The following UTRN variants were observed in gnomAD, a reference collection of about 807,000 sequenced individuals.
UTRN encodes utrophin.
UTRN carries 283 observed loss-of-function variants against 463.9 expected under a neutral mutation model. The ratio of observed to expected loss-of-function variants is 0.61; its 90% CI spans 0.55 to 0.67. UTRN has a LOEUF of 0.67. Ranked by LOEUF, UTRN falls within the 30% of genes least tolerant of loss-of-function variation. The pLI is 0.00. For missense variants in UTRN, 3,922 were observed against 4,084.3 expected, an observed-to-expected ratio of 0.96 and a Z score of 1.08; for synonymous variants, 1,442 against 1,431.5, an observed-to-expected ratio of 1.01 and a Z score of -0.17.
At chr6:144,725,245 C>A (rs1380317636) in intron 53 of UTRN, among the ~76,000 whole-genome samples, 1 of 152,214 alleles carries the variant, frequency 6.6e-6, no homozygotes, top group African/African-American at 2.4e-5. Flanking sequence ...CCATGTAAGA[C>A]GTCCCTTTGC....
chr6:144,845,608 G>C (rs1328947994), intron 73 of UTRN, among the ~76,000 whole-genome samples: 2 of 152,178 alleles, frequency 1.3e-5, no homozygotes, highest in African/African-American at 2.4e-5. Flanking sequence ...TTAGACTTCT[G>C]TCTAGGGTTT....
intron 51 of UTRN, among the ~76,000 whole-genome samples, chr6:144,676,212 A>ACTT (rs1554334453): frequency 6.6e-6 from 1 of 152,104 alleles, no homozygotes; most frequent in Non-Finnish European, 1.5e-5. Flanking sequence ...AGGGAGACTG[A>ACTT]CTTTCTTTGT....
chr6:144,630,138 A>G (rs1487607996), intron 51 of UTRN, among the ~76,000 whole-genome samples: 1 of 152,230 alleles, frequency 6.6e-6, no homozygotes, highest in Non-Finnish European at 1.5e-5. Context: ...CAGTGAGCCG[A>G]GATCTCGCCA....
At chr6:144,758,166 A>G in intron 58 of UTRN, 177 bp downstream of exon 58, 1 of 521,330 alleles carries the variant, frequency 1.9e-6, no homozygotes, top group East Asian at 3.2e-5. Flanking sequence ...TATATTTTTC[A>G]TGTATCAGAT....
At chr6:144,721,582 C>T (rs568436994) in intron 53 of UTRN, among the ~76,000 whole-genome samples, 46 of 152,164 alleles carry the variant, frequency 3.0e-4, no homozygotes, top group Admixed American at 2.7e-3. Flanking sequence ...GCTTGGAGGC[C>T]AAAACTTCAC....
chr6:144,732,277 TAC>T lies in UTRN; in HGVS notation c.7939+1797_7939+1798del, dbSNP rs1291563673. 8.7e-4 allele frequency among the ~76,000 whole-genome samples: 77 copies of T among 88,748 alleles called. 1 individual carries two copies. In the East Asian group the frequency reaches 0.02, roughly 23 times the overall value. 58.2% of individuals were successfully genotyped at this position (88,748 alleles called of 152,430 possible). A position where few individuals can be genotyped will look rare whatever the true frequency, so the allele number is the denominator to read the frequency against. On this transcript the variant is annotated intron_variant, in intron 54 of 74. Transcript: ENST00000367545. ...ATATATACACACATATATATATATA[TAC>T]ACACATATATATATATACACATATA...
chr6:144,663,992 A>G (rs539849925), intron 51 of UTRN, among the ~76,000 whole-genome samples: 1 of 152,234 alleles, frequency 6.6e-6, no homozygotes, highest in South Asian at 2.1e-4. Context: ...TGGAGAAGAC[A>G]TTGATCTTAT....
rs1266361255 is a variant in UTRN, at chr6:144,347,847, TTTG to T, written c.80-55273_80-55271del. Among the ~76,000 whole-genome samples, 1,103 of 145,854 alleles carry T rather than the reference TTTG, an allele frequency of 7.6e-3. 69 individuals carry two copies. Among genetic ancestry groups the T allele is most frequent in the African/African-American group, 0.029 (1,035 of 35,852 alleles). ...TGTGGCTTATTCTTTGTTTTTTTTT[TTTG>T]TTTTTTTTTTTGAGACTAAGTCTCG... On this transcript the variant is annotated intron_variant, in intron 2 of 74. Transcript: ENST00000367545.
At chr6:144,376,803 A>G (rs1780502704) in intron 2 of UTRN, among the ~76,000 whole-genome samples, 1 of 152,210 alleles carries the variant, frequency 6.6e-6, no homozygotes. Flanking sequence ...TTTTACCAAG[A>G]TTTCACTTCT....
chr6:144,478,403 C>T (rs1584948159), intron 25 of UTRN, among the ~76,000 whole-genome samples: 1 of 152,176 alleles, frequency 6.6e-6, no homozygotes, highest in African/African-American at 2.4e-5. Context: ...GGAAATGGGG[C>T]CCAAGAATCT....
intron 2 of UTRN, among the ~76,000 whole-genome samples, chr6:144,389,856 C>T (rs1407760421): frequency 6.6e-6 from 1 of 152,204 alleles, no homozygotes; most frequent in East Asian, 1.9e-4. Flanking sequence ...ATCCTGGCCT[C>T]CCAAAGTGCT....
chr6:144,663,814 A>C (rs932065703), intron 51 of UTRN, among the ~76,000 whole-genome samples: 2 of 152,204 alleles, frequency 1.3e-5, no homozygotes, highest in African/African-American at 2.4e-5. Context: ...TCTATCTTTT[A>C]TAATTACAAT....
intron 52 of UTRN, among the ~76,000 whole-genome samples, chr6:144,681,714 G>A (rs1782216567): frequency 6.6e-6 from 1 of 152,114 alleles, no homozygotes; most frequent in Admixed American, 6.6e-5. Flanking sequence ...GAATGCATTT[G>A]CTCTATTATT....
Position 144,285,630 on chromosome 6 carries a change from C to A in UTRN, c.-284C>A, listed in dbSNP as rs926773196. On this transcript the variant is annotated 5_prime_UTR_variant, in exon 1 of 75. Coordinates refer to ENST00000367545, the MANE Select transcript of UTRN (RefSeq NM_007124.3). ...GTCGGGTGTCAATTTCTCTTTCTTT[C>A]TTTCTTTTTTTAAAATTTCGGTTCG... The A allele has an allele frequency of 6.6e-6, 1 of 152,164 alleles. No individual in the cohort carries two copies. Among genetic ancestry groups the A allele is most frequent in the African/African-American group, 2.4e-5 (1 of 41,444 alleles). 9.4% of individuals were successfully genotyped at this position (152,164 alleles called of 1,614,324 possible). A position where few individuals can be genotyped will look rare whatever the true frequency, so the allele number is the denominator to read the frequency against.
intron 17 of UTRN, among the ~76,000 whole-genome samples, chr6:144,449,962 A>G (rs1433837241): frequency 1.3e-5 from 2 of 152,164 alleles, no homozygotes; most frequent in Admixed American, 6.5e-5. Flanking sequence ...TCCTTGAGTT[A>G]ATAATAGACA....
chr6:144,494,111 G>T (rs1041408745), intron 33 of UTRN, among the ~76,000 whole-genome samples: 2 of 152,182 alleles, frequency 1.3e-5, no homozygotes, highest in Non-Finnish European at 2.9e-5. Context: ...TATGTTCATT[G>T]TGGTAGACTT....
intron 35 of UTRN, among the ~76,000 whole-genome samples, chr6:144,513,383 C>T (rs995281007): frequency 6.6e-5 from 10 of 152,088 alleles, no homozygotes; most frequent in African/African-American, 2.4e-4. Flanking sequence ...AACCCCGTCT[C>T]TACTAAAAAT....
chr6:144,507,377 G>A (rs557083889), intron 34 of UTRN, among the ~76,000 whole-genome samples: 14 of 152,098 alleles, frequency 9.2e-5, no homozygotes, highest in Non-Finnish European at 1.6e-4. Context: ...GCATTTTTGC[G>A]CTGGTTTTTC....
At chr6:144,787,145 G>A (rs149416278) in intron 61 of UTRN, among the ~76,000 whole-genome samples, 152 of 152,228 alleles carry the variant, frequency 1.0e-3, no homozygotes, top group Non-Finnish European at 1.7e-3. Flanking sequence ...GTCTCAGCCC[G>A]TTCACAAAGC....
Sources: allele counts gnomAD v4.1 joint callset (sites outside exome capture counted in the v4.1 genomes callset), GRCh38; gene constraint gnomAD v4.1.1; transcripts MANE v1.5; gene names NCBI Gene and HGNC (gene_info 2026-07-23, HGNC 2026-07-21).